Variants in TESC observed in about 807,000 individuals in gnomAD.
The protein encoded by TESC is calcineurin B homologous protein 3.
In TESC, 19 loss-of-function variants were observed where a neutral mutation model predicts 31.0. The observed-to-expected ratio is 0.61, with a 90% CI of 0.43 to 0.90. The LOEUF (loss-of-function observed/expected upper bound fraction) is 0.90, where lower values mean the gene tolerates loss of function less well. TESC is among the 40% of genes least tolerant of loss of function. The pLI is 0.00. For synonymous variants in TESC, 109 were observed against 114.8 expected (o/e 0.95, Z 0.32); for missense variants, 248 against 303.8 (o/e 0.82, Z 1.36).
At chr12:117,044,548 G>T (rs1171473756) in intron 6 of TESC, among the ~76,000 whole-genome samples, 1 of 152,212 alleles carries the variant, frequency 6.6e-6, no homozygotes, top group African/African-American at 2.4e-5. Context: ...TGAATGCCCA[G>T]TGAAGCAGTC....
At chr12:117,063,864 C>T (rs1032867731) in intron 2 of TESC, among the ~76,000 whole-genome samples, 4 of 152,186 alleles carry the variant, frequency 2.6e-5, no homozygotes, top group Admixed American at 6.5e-5. Flanking sequence ...TTCCCAGTAG[C>T]CAAGATACTC....
At position 117,060,959 on chromosome 12, in the gene TESC, G is replaced by T. The variant is rs59143111; in HGVS notation, c.129-4073C>A. On this transcript the variant is annotated intron_variant, in intron 2 of 7. Coordinates refer to ENST00000335209, the MANE Select transcript of TESC (RefSeq NM_017899.4). The stretch of plus-strand genomic sequence containing the variant: ...TAATCCTTCCTGAGTCTGTTTTCTC[G>T]TCTGTGAGGAGGGCACACTGATACT... 2.0e-5 allele frequency among the ~76,000 whole-genome samples: 3 copies of T among 152,038 alleles called. No homozygotes were observed. In the South Asian group the frequency reaches 6.2e-4, roughly 32 times the overall value.
intron 2 of TESC, among the ~76,000 whole-genome samples, chr12:117,062,679 G>A (rs778320947): frequency 4.6e-5 from 7 of 152,220 alleles, no homozygotes; most frequent in Admixed American, 6.5e-5. Context: ...TCAACAAGGA[G>A]AGCACCGGCC....
At chr12:117,071,487 G>A (rs1593011873) in intron 2 of TESC, among the ~76,000 whole-genome samples, 1 of 151,468 alleles carries the variant, frequency 6.6e-6, no homozygotes, top group Non-Finnish European at 1.5e-5. Flanking sequence ...CCACACTGAG[G>A]CCTCAGCAAA....
intron 3 of TESC, 35 bp downstream of exon 3, chr12:117,056,771 C>A: frequency 5.0e-6 from 8 of 1,600,504 alleles, no homozygotes; most frequent in Non-Finnish European, 6.9e-6. Context: ...GACAAGGGTG[C>A]CTGCCACTGG....
intron 1 of TESC, among the ~76,000 whole-genome samples, chr12:117,080,618 C>G (rs957452069): frequency 6.2e-4 from 95 of 152,198 alleles, no homozygotes; most frequent in African/African-American, 2.2e-3. Flanking sequence ...AGGGAAGACT[C>G]CTCTGGCACA....
chr12:117,085,916 CAA>C (rs1286220580), intron 1 of TESC, among the ~76,000 whole-genome samples: 1 of 152,206 alleles, frequency 6.6e-6, no homozygotes, highest in Non-Finnish European at 1.5e-5. Flanking sequence ...GGCAACTACT[CAA>C]TGTCCAACAA....
chr12:117,046,921 A>C, intron 4 of TESC, 83 bp from the exon 5 acceptor site: 2 of 1,422,680 alleles, frequency 1.4e-6, no homozygotes, highest in Non-Finnish European at 9.6e-7. Flanking sequence ...AAACTAAGCA[A>C]AAGACACCAA....
intron 2 of TESC, among the ~76,000 whole-genome samples, chr12:117,067,075 C>T (rs535288051): frequency 1.3e-4 from 20 of 152,326 alleles, no homozygotes; most frequent in Admixed American, 7.8e-4. Flanking sequence ...AGCTGCCTCA[C>T]GCCCGCTGTC....
At chr12:117,081,927 A>G (rs568889893) in intron 1 of TESC, among the ~76,000 whole-genome samples, 1 of 151,886 alleles carries the variant, frequency 6.6e-6, no homozygotes, top group South Asian at 2.1e-4. Flanking sequence ...AAAAGAAAAG[A>G]AGTTGGGGGA....
intron 2 of TESC, among the ~76,000 whole-genome samples, chr12:117,068,510 C>G (rs1319668342): frequency 6.6e-6 from 1 of 152,174 alleles, no homozygotes; most frequent in Non-Finnish European, 1.5e-5. Flanking sequence ...GCCTGGCTGA[C>G]AGAGCGAGAC....
In TESC at chr12:117,046,820, T is replaced by C. The variant is rs1376870774; in HGVS notation, c.368A>G (p.Asp123Gly). 1 of 1,571,460 alleles carries C rather than the reference T, an allele frequency of 6.4e-7. No individual in the cohort carries two copies. The highest frequency in any genetic ancestry group is 2.3e-5 in the East Asian group (1 of 42,946). Residue 123 changes from aspartate (D) to glycine (G), a missense_variant, in exon 5 of 8, where the codon GAC becomes GGC. Transcript: ENST00000335209. Reference sequence around the variant, plus strand: ...AGTGATGCGGCCGTCGCTGTCCGAGTCGTACATGTGGAACAGAACTAGGGT... The same window carrying C: ...AGTGATGCGGCCGTCGCTGTCCGAGCCGTACATGTGGAACAGAACTAGGGT... ...EKLRFLFHMY[D>G]SDSDGRITLE...
At position 117,049,105 on chromosome 12, in the gene TESC, A is replaced by G; in HGVS notation, c.263T>C (p.Phe88Ser). 5 of 1,614,226 alleles carry G rather than the reference A, an allele frequency of 3.1e-6. No individual in the cohort carries two copies. The highest frequency in any genetic ancestry group is 4.2e-6 in the Non-Finnish European group (5 of 1,180,038). Residue 88 changes from phenylalanine to serine, a missense_variant, in exon 4 of 8, where the codon TTC (phenylalanine) becomes TCC (serine). Transcript: ENST00000335209. The stretch of plus-strand genomic sequence containing the variant: ...CCGGAAGTAGGACATGATGGTCAGG[A>G]AGTCCTCGAAATTGATCTCATCAGC... ...GLADEINFEDFLTIMSYFRPI... is the reference protein window; with the variant it reads ...GLADEINFEDSLTIMSYFRPI...
Position 117,075,267 on chromosome 12 carries a change from T to C in TESC, c.128+4A>G, listed in dbSNP as rs1279215499. On this transcript the variant is annotated splice_donor_region_variant and intron_variant, in intron 2 of 7. Coordinates refer to ENST00000335209, the MANE Select transcript of TESC (RefSeq NM_017899.4). ...CCAGCACCCAAACCCGCTGCCAATC[T>C]TACCGAATGGTAGGCTGATCTCCAC... The C allele has an allele frequency of 6.2e-7, 1 of 1,612,562 alleles. No individual in the cohort carries two copies. Among genetic ancestry groups the C allele is most frequent in the East Asian group, 2.2e-5 (1 of 44,866 alleles).
At chr12:117,082,615 A>G (rs753067415) in intron 1 of TESC, among the ~76,000 whole-genome samples, 1 of 152,174 alleles carries the variant, frequency 6.6e-6, no homozygotes, top group Non-Finnish European at 1.5e-5. Flanking sequence ...TATTTTTTGA[A>G]TATTGTGGGA....
intron 6 of TESC, among the ~76,000 whole-genome samples, chr12:117,045,376 G>A (rs769282423): frequency 5.3e-5 from 8 of 152,224 alleles, no homozygotes; most frequent in Admixed American, 2.0e-4. Flanking sequence ...GAAAACTGTC[G>A]CCAATTGAAA....
chr12:117,063,996 C>G (rs1465363913), intron 2 of TESC, among the ~76,000 whole-genome samples: 1 of 152,198 alleles, frequency 6.6e-6, no homozygotes, highest in Admixed American at 6.5e-5. Context: ...GCATTCATGG[C>G]TCACTGCAGC....
chr12:117,093,722 C>A (rs924649848), intron 1 of TESC, among the ~76,000 whole-genome samples: 7 of 152,140 alleles, frequency 4.6e-5, no homozygotes, highest in Non-Finnish European at 8.8e-5. Context: ...GTGGCAGATG[C>A]CACGCGCCCG....
chr12:117,044,029 G>A (rs1954521928), intron 6 of TESC, among the ~76,000 whole-genome samples: 1 of 152,020 alleles, frequency 6.6e-6, no homozygotes, highest in South Asian at 2.1e-4. Flanking sequence ...GAGGACTGTT[G>A]GAGGCCAGGA....
Sources: allele counts gnomAD v4.1 joint callset (sites outside exome capture counted in the v4.1 genomes callset), GRCh38; gene constraint gnomAD v4.1.1; transcripts MANE v1.5; gene names NCBI Gene and HGNC (gene_info 2026-07-23, HGNC 2026-07-21).